PRIM2: variants seen among roughly 807,000 people sequenced by gnomAD.
PRIM2 encodes the protein DNA primase large subunit.
PRIM2 carries 39 observed loss-of-function variants against 67.3 expected under a neutral mutation model. The observed-to-expected ratio is 0.58, with a 90% CI of 0.45 to 0.76. PRIM2 has a LOEUF of 0.76. PRIM2 is among the 30% of genes least tolerant of loss of function. The probability of loss-of-function intolerance (pLI) is 0.00; values close to 1 mark genes in which losing one functional copy is unlikely to be tolerated. For synonymous variants in PRIM2, 143 were observed against 198.7 expected, an observed-to-expected ratio of 0.72 and a Z score of 2.36; for missense variants, 398 against 598.7, an observed-to-expected ratio of 0.66 and a Z score of 3.50.
At chr6:57,430,451 T>G (rs1267794391) in intron 7 of PRIM2, among the ~76,000 whole-genome samples, 3 of 111,548 alleles carry the variant, frequency 2.7e-5, no homozygotes, top group East Asian at 2.2e-4. Context: ...TTCTTTGTTT[T>G]TTTTTTTTTT....
At chr6:57,325,486 G>A (rs1479295474) in intron 4 of PRIM2, among the ~76,000 whole-genome samples, 1 of 151,900 alleles carries the variant, frequency 6.6e-6, no homozygotes, top group African/African-American at 2.4e-5. Context: ...TAGATATGGG[G>A]TTTTACCAAC....
At chr6:57,247,786 C>T in the PRIM2 span, among the ~76,000 whole-genome samples, 1 of 152,104 alleles carries the variant, frequency 6.6e-6, no homozygotes, top group African/African-American at 2.4e-5. Flanking sequence ...CTGTATGACT[C>T]AAAGGATTTC....
At chr6:57,242,328 G>C in the PRIM2 span, among the ~76,000 whole-genome samples, 3 of 152,044 alleles carry the variant, frequency 2.0e-5, no homozygotes, top group Non-Finnish European at 4.4e-5. Context: ...TTTATTTTGT[G>C]TTTGAAAATT....
chr6:57,268,828 C>T, the PRIM2 span, among the ~76,000 whole-genome samples: 1 of 136,356 alleles, frequency 7.3e-6, no homozygotes, highest in Non-Finnish European at 1.5e-5. Context: ...GTTCCCCTTG[C>T]TGTGTCCATG....
intron 7 of PRIM2, among the ~76,000 whole-genome samples, chr6:57,407,583 T>G (rs1445548846): frequency 6.6e-6 from 1 of 152,220 alleles, no homozygotes; most frequent in Non-Finnish European, 1.5e-5. Flanking sequence ...CTAAGGAATT[T>G]ATTTATCCTT....
the PRIM2 span, among the ~76,000 whole-genome samples, chr6:57,236,266 T>C: frequency 1.3e-5 from 2 of 152,138 alleles, no homozygotes; most frequent in Non-Finnish European, 2.9e-5. Flanking sequence ...CCTGTCATTC[T>C]TCCTTCCCTG....
chr6:57,518,113 C>A (rs1774523889), intron 8 of PRIM2, among the ~76,000 whole-genome samples: 1 of 152,154 alleles, frequency 6.6e-6, no homozygotes, highest in Admixed American at 6.5e-5. Context: ...TCAATTGTTT[C>A]TAATTACTAT....
At chr6:57,497,406 G>A (rs1554346473) in intron 7 of PRIM2, 3 of 152,144 alleles carry the variant, frequency 2.0e-5, no homozygotes, top group African/African-American at 7.2e-5. Flanking sequence ...TAGAGCATCA[G>A]TAGGGTGCTT....
At chr6:57,387,691 A>G (rs1296283451) in intron 7 of PRIM2, among the ~76,000 whole-genome samples, 2 of 151,422 alleles carry the variant, frequency 1.3e-5, no homozygotes, top group Non-Finnish European at 2.9e-5. Context: ...CCAGTTAGGG[A>G]AAAGAATGAG....
intron 7 of PRIM2, among the ~76,000 whole-genome samples, chr6:57,496,930 A>T (rs1774018260): frequency 6.6e-6 from 1 of 152,194 alleles, no homozygotes; most frequent in Non-Finnish European, 1.5e-5. Context: ...TCCCAGCCTC[A>T]GTTGTACCAC....
At position 57,357,816 on chromosome 6, in the gene PRIM2, G is replaced by A. The variant is rs144553763; in HGVS notation, c.460-22085G>A. 1.2e-3 allele frequency among the ~76,000 whole-genome samples: 186 copies of A among 152,052 alleles called. 2 individuals are homozygous for A. Among genetic ancestry groups the A allele is most frequent in the South Asian group, 0.012 (57 of 4,804 alleles). On this transcript the variant is annotated intron_variant, in intron 5 of 13. Transcript: ENST00000615550. ...TCACCATGTTGGTGAAGCTGGTATC[G>A]GATTCCTGACCTCGTGATCCACCCG...
chr6:57,488,855 C>T (rs1773812752), intron 7 of PRIM2, among the ~76,000 whole-genome samples: 3 of 152,326 alleles, frequency 2.0e-5, no homozygotes, highest in South Asian at 2.1e-4. Flanking sequence ...CTCATCCCCT[C>T]GTGCTACAGA....
At chr6:57,290,889 G>A in the PRIM2 span, among the ~76,000 whole-genome samples, 3 of 152,148 alleles carry the variant, frequency 2.0e-5, no homozygotes, top group Non-Finnish European at 4.4e-5. Flanking sequence ...ATGCCCACAA[G>A]AGAAAGCAGG....
chr6:57,330,762 C>T (rs1768030908), intron 5 of PRIM2, among the ~76,000 whole-genome samples: 1 of 151,870 alleles, frequency 6.6e-6, no homozygotes, highest in South Asian at 2.1e-4. Flanking sequence ...TATAGATGCC[C>T]TTTATCAGAT....
At chr6:57,392,170 A>C (rs929247095) in intron 7 of PRIM2, among the ~76,000 whole-genome samples, 4 of 152,058 alleles carry the variant, frequency 2.6e-5, no homozygotes, top group Non-Finnish European at 4.4e-5. Flanking sequence ...TTTGGCTCTC[A>C]GCTTGGCTTT....
chr6:57,294,508 A>T, the PRIM2 span, among the ~76,000 whole-genome samples: 1 of 151,846 alleles, frequency 6.6e-6, no homozygotes. Context: ...CCAAAACCAA[A>T]CCAAAACAGA....
intron 5 of PRIM2, among the ~76,000 whole-genome samples, chr6:57,345,449 G>A (rs9396277): frequency 1.7e-3 from 241 of 142,074 alleles, no homozygotes; most frequent in Admixed American, 2.4e-3. Flanking sequence ...CTACAGGCGT[G>A]AGCCACCATG....
chr6:57,598,703 A>G (rs1478748805), intron 10 of PRIM2, among the ~76,000 whole-genome samples: 1 of 151,720 alleles, frequency 6.6e-6, no homozygotes, highest in Non-Finnish European at 1.5e-5. Flanking sequence ...CCTGGGCAAC[A>G]TAGCAAGACC....
chr6:57,591,241 T>G (rs1314305186), intron 10 of PRIM2, among the ~76,000 whole-genome samples: 2 of 152,162 alleles, frequency 1.3e-5, no homozygotes, highest in Non-Finnish European at 2.9e-5. Flanking sequence ...GCCTACAACA[T>G]CACTCTGGTT....
Sources: gnomAD v4.1 joint callset for allele counts (sites outside exome capture counted in the v4.1 genomes callset) on GRCh38, gnomAD v4.1.1 for gene constraint, MANE v1.5 for transcripts, NCBI Gene and HGNC (gene_info 2026-07-23, HGNC 2026-07-21) for gene names.